SH3GL2: variants seen among roughly 807,000 people sequenced by gnomAD.
SH3GL2 encodes SH3 domain containing GRB2 like 2, endophilin A1.
Under a neutral mutation model 46.0 loss-of-function variants are expected in SH3GL2, and 24 were observed. The ratio of observed to expected loss-of-function variants is 0.52; its 90% CI spans 0.38 to 0.73. The LOEUF is 0.73. Among genes scored for constraint, SH3GL2 ranks in the 30% least tolerant of loss-of-function variants. The probability of loss-of-function intolerance (pLI) is 0.00; values close to 1 mark genes in which losing one functional copy is unlikely to be tolerated. For missense variants in SH3GL2, 413 were observed against 424.2 expected (o/e 0.97, Z 0.23); for synonymous variants, 196 against 147.1 (o/e 1.33, Z -2.40).
chr9:17,692,807 G>A (rs557389880), intron 1 of SH3GL2, among the ~76,000 whole-genome samples: 1 of 152,212 alleles, frequency 6.6e-6, no homozygotes, highest in South Asian at 2.1e-4. Context: ...TTGGACTTAC[G>A]GTTCCACTTG....
rs139740185 is a variant in SH3GL2, at chr9:17,663,755, A to G, written c.46-83311A>G. Reference sequence around the variant, plus strand: ...TGTTAACAGATCCACAATTAAAGTGAAGCTGCTGCCAGTTGTTGAACTTGA... The same window carrying G: ...TGTTAACAGATCCACAATTAAAGTGGAGCTGCTGCCAGTTGTTGAACTTGA... On this transcript the variant is annotated intron_variant, in intron 1 of 8. Coordinates refer to ENST00000380607, the MANE Select transcript of SH3GL2 (RefSeq NM_003026.5). Among the ~76,000 whole-genome samples the G allele has an allele frequency of 2.2e-4, 33 of 152,310 alleles. No homozygotes were observed. The East Asian group carries it at 4.8e-3, about 22-fold the overall frequency.
At chr9:17,627,515 C>T (rs1170115504) in intron 1 of SH3GL2, among the ~76,000 whole-genome samples, 1 of 152,120 alleles carries the variant, frequency 6.6e-6, no homozygotes, top group Non-Finnish European at 1.5e-5. Flanking sequence ...TGTTATTTGA[C>T]TTTTAAAATC....
intron 1 of SH3GL2, among the ~76,000 whole-genome samples, chr9:17,678,913 G>A (rs188155436): frequency 3.9e-4 from 59 of 152,124 alleles, no homozygotes; most frequent in African/African-American, 1.4e-3. Context: ...TCTTGTTTTT[G>A]TCAGATTTGT....
At chr9:17,608,993 C>T (rs2180902) in intron 1 of SH3GL2, among the ~76,000 whole-genome samples, 1 of 152,112 alleles carries the variant, frequency 6.6e-6, no homozygotes, top group African/African-American at 2.4e-5. Flanking sequence ...GTGATCCGCT[C>T]TTTCACTGAT....
intron 1 of SH3GL2, among the ~76,000 whole-genome samples, chr9:17,738,661 G>GAGAGACAGAGAC: frequency 7.6e-6 from 1 of 132,172 alleles, no homozygotes; most frequent in African/African-American, 2.7e-5. Flanking sequence ...GAGAGAGAGA[G>GAGAGACAGAGAC]AGAGAGAGAG....
intron 1 of SH3GL2, among the ~76,000 whole-genome samples, chr9:17,741,598 C>T (rs1007662638): frequency 1.3e-5 from 2 of 152,118 alleles, no homozygotes; most frequent in African/African-American, 2.4e-5. Flanking sequence ...AGACCAATGC[C>T]GACTCATAGT....
chr9:17,614,951 G>T (rs1818951382), intron 1 of SH3GL2, among the ~76,000 whole-genome samples: 2 of 152,142 alleles, frequency 1.3e-5, no homozygotes, highest in African/African-American at 4.8e-5. Context: ...AGGTATAGGG[G>T]CAAGCTTCTG....
At chr9:17,716,510 A>G (rs1251916575) in intron 1 of SH3GL2, among the ~76,000 whole-genome samples, 1 of 152,148 alleles carries the variant, frequency 6.6e-6, no homozygotes, top group Non-Finnish European at 1.5e-5. Context: ...GTTTTCCAGT[A>G]TGTGCAGTGG....
chr9:17,615,121 A>G (rs983751789), intron 1 of SH3GL2, among the ~76,000 whole-genome samples: 2 of 152,180 alleles, frequency 1.3e-5, no homozygotes, highest in Non-Finnish European at 2.9e-5. Context: ...AGTTACTGGT[A>G]GGACCCACGG....
intron 1 of SH3GL2, among the ~76,000 whole-genome samples, chr9:17,739,577 AT>A (rs1399660201): frequency 6.6e-6 from 1 of 151,498 alleles, no homozygotes; most frequent in Non-Finnish European, 1.5e-5. Flanking sequence ...TTATCTGATG[AT>A]GAACTAAATT....
chr9:17,685,402 G>A (rs1820876425), intron 1 of SH3GL2, among the ~76,000 whole-genome samples: 1 of 152,074 alleles, frequency 6.6e-6, no homozygotes, highest in South Asian at 2.1e-4. Context: ...TAAAGTTGCT[G>A]AATGTAGATT....
intron 2 of SH3GL2, among the ~76,000 whole-genome samples, chr9:17,756,222 A>G (rs954690088): frequency 6.6e-6 from 1 of 152,052 alleles, no homozygotes; most frequent in African/African-American, 2.4e-5. Flanking sequence ...CTCATTTCAA[A>G]TTTTTTCAAC....
chr9:17,726,157 G>A (rs1276592079), intron 1 of SH3GL2, among the ~76,000 whole-genome samples: 1 of 152,072 alleles, frequency 6.6e-6, no homozygotes, highest in Non-Finnish European at 1.5e-5. Flanking sequence ...TAAATAAATG[G>A]TGGTTGCACC....
intron 1 of SH3GL2, among the ~76,000 whole-genome samples, chr9:17,662,403 G>A (rs889634454): frequency 1.3e-5 from 2 of 152,196 alleles, no homozygotes; most frequent in Non-Finnish European, 2.9e-5. Context: ...CTCATGCTAT[G>A]ATTTCCCATG....
At chr9:17,628,420 G>A (rs1288849417) in intron 1 of SH3GL2, among the ~76,000 whole-genome samples, 1 of 34,702 alleles carries the variant, frequency 2.9e-5, no homozygotes, top group Admixed American at 2.9e-4. Context: ...GGGTGTGTGT[G>A]TGTGTGTGTG....
At chr9:17,771,060 G>C (rs1282707714) in intron 3 of SH3GL2, among the ~76,000 whole-genome samples, 4 of 152,182 alleles carry the variant, frequency 2.6e-5, no homozygotes, top group Non-Finnish European at 4.4e-5. Context: ...GTGGTACTTT[G>C]TTATTCTATG....
intron 1 of SH3GL2, among the ~76,000 whole-genome samples, chr9:17,725,327 G>C (rs1292101310): frequency 6.6e-6 from 1 of 152,072 alleles, no homozygotes; most frequent in Non-Finnish European, 1.5e-5. Flanking sequence ...CTCTAGGGGT[G>C]AGTGTGATTC....
chr9:17,680,384 T>C (rs1820736431), intron 1 of SH3GL2, among the ~76,000 whole-genome samples: 2 of 152,060 alleles, frequency 1.3e-5, no homozygotes, highest in African/African-American at 4.8e-5. Flanking sequence ...AGGAATTTAT[T>C]CATTTCTTCT....
intron 1 of SH3GL2, among the ~76,000 whole-genome samples, chr9:17,624,965 A>G (rs975297033): frequency 6.6e-6 from 1 of 152,226 alleles, no homozygotes; most frequent in Non-Finnish European, 1.5e-5. Context: ...AATGAGGAAT[A>G]TCTGTTCAGA....
Sources: gnomAD v4.1 joint callset for allele counts (sites outside exome capture counted in the v4.1 genomes callset) on GRCh38, gnomAD v4.1.1 for gene constraint, MANE v1.5 for transcripts, NCBI Gene and HGNC (gene_info 2026-07-23, HGNC 2026-07-21) for gene names.